DOCK8: variants seen among roughly 807,000 people sequenced by gnomAD.
The protein encoded by DOCK8 is dedicator of cytokinesis 8, also known as dedicator of cytokinesis protein 8.
DOCK8 carries 141 observed loss-of-function variants against 245.6 expected under a neutral mutation model. That is an observed-to-expected ratio of 0.57 (90% CI 0.50 to 0.66). The LOEUF (loss-of-function observed/expected upper bound fraction) is 0.66. Among genes scored for constraint, DOCK8 ranks in the 30% least tolerant of loss-of-function variants. DOCK8 has a pLI of 0.00. For missense variants in DOCK8, 2,965 were observed against 2,603.4 expected (o/e 1.14, Z -3.02); for synonymous variants, 1,168 against 970.2 (o/e 1.20, Z -3.79).
chr9:457,743 G>A (rs111381216), intron 46 of DOCK8, among the ~76,000 whole-genome samples: 1,905 of 152,280 alleles, frequency 0.013, 43 homozygotes, highest in African/African-American at 0.044. Context: ...TTCTCATATT[G>A]TACAAATAGT....
chr9:377,086 A>G lies in DOCK8; in HGVS notation c.2315A>G (p.Glu772Gly). The G allele has an allele frequency of 6.2e-7, 1 of 1,612,880 alleles. No individual in the cohort carries two copies. Among genetic ancestry groups the G allele is most frequent in the Non-Finnish European group, 8.5e-7 (1 of 1,179,958 alleles). ...ATCAGCGAGATGGCGCTGGAGCATG[A>G]GCTGAAGCTCAGCATCATCTGCCTG... ...QKISEMALEH[E>G]LKLSIICLNS... is the part of the protein sequence containing the mutation. Residue 772 changes from glutamate to glycine, a missense_variant, in exon 20 of 48, where the codon GAG becomes GGG. Coordinates refer to ENST00000432829, the MANE Select transcript of DOCK8 (RefSeq NM_203447.4).
At chr9:366,688 G>T (rs11788744) in intron 14 of DOCK8, 23,052 of 152,168 alleles carry the variant, frequency 0.15, 2,222 homozygotes, top group Middle Eastern at 0.26. Context: ...CTCCTTCTGA[G>T]GCATTCTCAG....
At chr9:219,246 G>A (rs1375976308) in intron 1 of DOCK8, among the ~76,000 whole-genome samples, 1 of 152,182 alleles carries the variant, frequency 6.6e-6, no homozygotes, top group East Asian at 1.9e-4. Flanking sequence ...AAGGCGGGAC[G>A]ATCACCTGAG....
At chr9:278,369 G>A (rs750816058) in intron 2 of DOCK8, among the ~76,000 whole-genome samples, 6 of 152,352 alleles carry the variant, frequency 3.9e-5, no homozygotes, top group African/African-American at 1.4e-4. Context: ...TTTAAAGATA[G>A]TAGAGAGCTT....
At chr9:279,653 A>G (rs1317158519) in intron 2 of DOCK8, among the ~76,000 whole-genome samples, 2 of 152,234 alleles carry the variant, frequency 1.3e-5, no homozygotes, top group Non-Finnish European at 2.9e-5. Flanking sequence ...ACTGTGTCCA[A>G]TAAACCAGGA....
At chr9:377,879 G>T (rs558721962) in intron 20 of DOCK8, among the ~76,000 whole-genome samples, 234 of 152,250 alleles carry the variant, frequency 1.5e-3, no homozygotes, top group African/African-American at 5.4e-3. Flanking sequence ...AATCTCAAAA[G>T]CTTATCCTGG....
chr9:332,534 C>T, intron 10 of DOCK8, 56 bp downstream of exon 10: 7 of 1,301,142 alleles, frequency 5.4e-6, no homozygotes, highest in South Asian at 1.2e-5. Flanking sequence ...CAGGTATTTT[C>T]AGAAGTGTTA....
Position 228,888 on chromosome 9 carries a change from A to T in DOCK8, c.53+13859A>T, listed in dbSNP as rs528982992. ...AAGCTGTAGGGTCTAAGATGGGCTCACTCACAAGTCCAGGACCTTGGTGCT... is the reference window on the plus strand; with the variant it reads ...AAGCTGTAGGGTCTAAGATGGGCTCTCTCACAAGTCCAGGACCTTGGTGCT... On this transcript the variant is annotated intron_variant, in intron 1 of 47. Coordinates refer to ENST00000432829, the MANE Select transcript of DOCK8 (RefSeq NM_203447.4). 5.9e-5 allele frequency among the ~76,000 whole-genome samples: 9 copies of T among 152,234 alleles called. No homozygotes were observed. In the South Asian group the frequency reaches 1.5e-3, roughly 25 times the overall value.
intron 30 of DOCK8, chr9:419,974 A>G (rs2056206415): frequency 3.8e-6 from 1 of 265,896 alleles, no homozygotes; most frequent in East Asian, 8.8e-5. Context: ...GCACCCAGCC[A>G]GTTTCCTTCT....
intron 14 of DOCK8, among the ~76,000 whole-genome samples, chr9:352,616 A>G (rs145671482): frequency 0.019 from 2,815 of 151,958 alleles, 92 homozygotes; most frequent in African/African-American, 0.064. Flanking sequence ...GGTGGCGGGC[A>G]CCTGTAATCC....
chr9:458,639 G>A (rs554055007), intron 46 of DOCK8, among the ~76,000 whole-genome samples: 5 of 152,062 alleles, frequency 3.3e-5, no homozygotes, highest in South Asian at 4.2e-4. Flanking sequence ...GCAAAACCTC[G>A]TCTTTACAAA....
chr9:439,323 G>C lies in DOCK8; in HGVS notation c.5158G>C (p.Gly1720Arg). 6.2e-7 allele frequency: 1 copy of C among 1,614,206 alleles called. No homozygotes were observed. The highest frequency in any genetic ancestry group is 8.5e-7 in the Non-Finnish European group (1 of 1,180,038). ...LSPDEDGVCA[G>R]QYFTESGLVG... ...ACCTGACGAGGATGGGGTGTGCGCAGGCCAGTACTTCACCGAGAGTGGCCT... is the reference window on the plus strand; with the variant it reads ...ACCTGACGAGGATGGGGTGTGCGCACGCCAGTACTTCACCGAGAGTGGCCT... Residue 1720 changes from glycine (G) to arginine (R), a missense_variant, in exon 40 of 48, where the codon GGC becomes CGC. Physicochemically the swap from Gly to Arg is moderately radical, Grantham distance 125 (BLOSUM62 -2). Transcript: ENST00000432829.
intron 1 of DOCK8, among the ~76,000 whole-genome samples, chr9:263,413 A>G (rs1462673610): frequency 6.6e-6 from 1 of 152,136 alleles, no homozygotes; most frequent in African/African-American, 2.4e-5. Flanking sequence ...AAATCCGTTT[A>G]CCCCTCAAAC....
intron 3 of DOCK8, among the ~76,000 whole-genome samples, chr9:286,949 C>G (rs1586602188): frequency 6.6e-6 from 1 of 152,302 alleles, no homozygotes; most frequent in East Asian, 1.9e-4. Context: ...GCTCAGTGAC[C>G]TTGGCTGTCA....
intron 1 of DOCK8, among the ~76,000 whole-genome samples, chr9:216,535 G>T (rs199766162): frequency 1.3e-4 from 1 of 7,510 alleles, no homozygotes. Flanking sequence ...TCAAAAAACA[G>T]ACAAAAAAAA....
Position 447,633 on chromosome 9 carries a change from TC to T in DOCK8, c.5817+1028del, listed in dbSNP as rs1265574453. Among the ~76,000 whole-genome samples the T allele has an allele frequency of 3.3e-5, 5 of 152,366 alleles. No individual in the cohort carries two copies. The East Asian group carries it at 9.6e-4, about 29-fold the overall frequency. On this transcript the variant is annotated intron_variant, in intron 44 of 47. Coordinates refer to ENST00000432829, the MANE Select transcript of DOCK8 (RefSeq NM_203447.4). ...TGGTTTTCATAGAAAGAAATCTTTT[TC>T]TTTCCACACCCATGGTTCATCAGTT...
At chr9:409,594 TATC>T (rs2055615988) in intron 28 of DOCK8, among the ~76,000 whole-genome samples, 1 of 152,152 alleles carries the variant, frequency 6.6e-6, no homozygotes, top group Non-Finnish European at 1.5e-5. Context: ...TTTTTATTAT[TATC>T]ATACTTTAAG....
At chr9:312,316 G>A (rs1352738129) in intron 6 of DOCK8, 150 bp downstream of exon 6, 2 of 876,964 alleles carry the variant, frequency 2.3e-6, no homozygotes, top group Non-Finnish European at 3.7e-6. Context: ...ACTCAGGCAA[G>A]CCTGTGTGTC....
chr9:230,821 G>A (rs1260854512), intron 1 of DOCK8, among the ~76,000 whole-genome samples: 2 of 151,974 alleles, frequency 1.3e-5, no homozygotes, highest in East Asian at 3.9e-4. Flanking sequence ...AGATGAGTAG[G>A]TTGCAAAAAT....
Sources: gnomAD v4.1 joint callset for allele counts (sites outside exome capture counted in the v4.1 genomes callset) on GRCh38, gnomAD v4.1.1 for gene constraint, MANE v1.5 for transcripts, NCBI Gene and HGNC (gene_info 2026-07-23, HGNC 2026-07-21) for gene names.